Variants in ARID2 observed in about 807,000 individuals in gnomAD.
ARID2 encodes AT-rich interaction domain 2.
ARID2 carries 32 observed loss-of-function variants against 184.6 expected under a neutral mutation model. The observed-to-expected ratio is 0.17, with a 90% CI of 0.13 to 0.23. The LOEUF is 0.23. Ranked by LOEUF, ARID2 falls within the 10% of genes least tolerant of loss-of-function variation. The probability of loss-of-function intolerance (pLI) is 1.00; values close to 1 mark genes in which losing one functional copy is unlikely to be tolerated. For synonymous variants in ARID2, 836 were observed against 772.6 expected, an observed-to-expected ratio of 1.08 and a Z score of -1.36; for missense variants, 1,696 against 2,197.6, an observed-to-expected ratio of 0.77 and a Z score of 4.56.
chr12:45,788,426 C>CATATTT (rs1942235260), intron 3 of ARID2, among the ~76,000 whole-genome samples: 1 of 152,058 alleles, frequency 6.6e-6, no homozygotes, highest in Non-Finnish European at 1.5e-5. Context: ...TTTCATTATC[C>CATATTT]ATATTTACAC....
intron 3 of ARID2, among the ~76,000 whole-genome samples, chr12:45,798,996 G>C (rs757308332): frequency 6.7e-6 from 1 of 149,770 alleles, no homozygotes; most frequent in East Asian, 1.9e-4. Flanking sequence ...TATTAACCTG[G>C]GTATTAAAAT....
intron 3 of ARID2, among the ~76,000 whole-genome samples, chr12:45,772,980 A>C (rs1800490389): frequency 1.3e-5 from 2 of 152,194 alleles, no homozygotes; most frequent in Non-Finnish European, 2.9e-5. Context: ...GTGCAAACGG[A>C]ATATTCTCTA....
intron 16 of ARID2, among the ~76,000 whole-genome samples, chr12:45,884,307 A>G (rs1944149446): frequency 6.6e-6 from 1 of 152,126 alleles, no homozygotes; most frequent in Non-Finnish European, 1.5e-5. Flanking sequence ...GAGGCAGGAG[A>G]ATCACTTAAA....
intron 11 of ARID2, among the ~76,000 whole-genome samples, chr12:45,844,024 T>G (rs926280934): frequency 6.6e-6 from 1 of 152,166 alleles, no homozygotes; most frequent in African/African-American, 2.4e-5. Flanking sequence ...TCTATACTTT[T>G]TCTTTCTTTC....
chr12:45,894,818 T>C (rs1944348592), intron 20 of ARID2, among the ~76,000 whole-genome samples: 1 of 150,330 alleles, frequency 6.7e-6, no homozygotes, highest in African/African-American at 2.5e-5. Flanking sequence ...CTTTTTACTT[T>C]TCTTACTTTA....
intron 3 of ARID2, among the ~76,000 whole-genome samples, chr12:45,761,807 G>T (rs555558608): frequency 6.7e-6 from 1 of 150,264 alleles, no homozygotes; most frequent in African/African-American, 2.5e-5. Flanking sequence ...ATTCTTCTTC[G>T]TTTATTTTCT....
intron 3 of ARID2, among the ~76,000 whole-genome samples, chr12:45,759,599 A>G (rs1010844225): frequency 6.6e-6 from 1 of 152,158 alleles, no homozygotes; most frequent in Non-Finnish European, 1.5e-5. Context: ...ATATTCAGCT[A>G]TGTCCGTTCG....
chr12:45,907,129 C>T lies in ARID2; in HGVS notation c.*2051C>T. The T allele has an allele frequency of 8.6e-6, 2 of 232,732 alleles. No individual in the cohort carries two copies. Among genetic ancestry groups the T allele is most frequent in the Non-Finnish European group, 1.7e-5 (2 of 117,758 alleles). 14.4% of individuals were successfully genotyped at this position (232,732 alleles called of 1,614,324 possible). A position where few individuals can be genotyped will look rare whatever the true frequency, so the allele number is the denominator to read the frequency against. On this transcript the variant is annotated 3_prime_UTR_variant, in exon 21 of 21. Transcript: ENST00000334344. ...TGGAATTTATGCTTGGCCCACCTTC[C>T]AAGACTGGCACTGCCCAACAGACAC...
rs2138179418 is a variant in ARID2 at position 45,852,524 on chromosome 12, A to G, written c.4401A>G (p.Val1467=). ...ATGTGCCTCAGCAACGCCCAAGTGT[A>G]GTTGTCTCACCACATTCTACAACCT... ...NSDVPQQRPS[V]VVSPHSTTSV... Residue 1467 remains valine, a synonymous_variant, in exon 15 of 21, where the codon GTA becomes GTG. Coordinates refer to ENST00000334344, the MANE Select transcript of ARID2 (RefSeq NM_152641.4). 6.2e-7 allele frequency: 1 copy of G among 1,614,194 alleles called. No homozygotes were observed. The highest frequency in any genetic ancestry group is 8.5e-7 in the Non-Finnish European group (1 of 1,180,014).
In ARID2 at chr12:45,747,209, AT is replaced by A. The variant is rs575338803; in HGVS notation, c.284+15897del. 5.5e-3 allele frequency among the ~76,000 whole-genome samples: 832 copies of A among 152,316 alleles called. 7 individuals are homozygous for A. The highest frequency in any genetic ancestry group is 0.019 in the African/African-American group (794 of 41,578). On this transcript the variant is annotated intron_variant, in intron 3 of 20. Coordinates refer to ENST00000334344, the MANE Select transcript of ARID2 (RefSeq NM_152641.4). ...TGAAAATGGTTAGGGTAGTTGTGGG[AT>A]TGTGGCTTTTTATTTTTATTTAAAA...
chr12:45,734,327 C>T (rs1941066624), intron 3 of ARID2, among the ~76,000 whole-genome samples: 1 of 152,098 alleles, frequency 6.6e-6, no homozygotes, highest in Admixed American at 6.5e-5. Context: ...GGAGATCGTG[C>T]TACTGCACTC....
intron 4 of ARID2, among the ~76,000 whole-genome samples, chr12:45,813,497 T>C (rs1024012421): frequency 2.1e-4 from 32 of 150,452 alleles, no homozygotes; most frequent in African/African-American, 7.3e-4. Flanking sequence ...AATTATCTAA[T>C]ATTAGATTGA....
At chr12:45,863,823 T>G (rs1293991048) in intron 16 of ARID2, among the ~76,000 whole-genome samples, 3 of 140,430 alleles carry the variant, frequency 2.1e-5, no homozygotes, top group African/African-American at 5.2e-5. Flanking sequence ...TTCTCCTTTT[T>G]TTTTCTTTTT....
intron 2 of ARID2, among the ~76,000 whole-genome samples, chr12:45,730,926 G>C (rs1172591349): frequency 6.8e-6 from 1 of 147,484 alleles, no homozygotes; most frequent in Non-Finnish European, 1.5e-5. Context: ...AGATTTAAAA[G>C]GGGGCGACAG....
At chr12:45,828,819 T>C (rs891157199) in intron 6 of ARID2, among the ~76,000 whole-genome samples, 1 of 152,018 alleles carries the variant, frequency 6.6e-6, no homozygotes, top group African/African-American at 2.4e-5. Flanking sequence ...GAGTTTTTTT[T>C]CTATATTTTG....
chr12:45,782,736 C>G (rs1050889432), intron 3 of ARID2, among the ~76,000 whole-genome samples: 3 of 151,988 alleles, frequency 2.0e-5, no homozygotes, highest in Non-Finnish European at 4.4e-5. Flanking sequence ...TTTTTGTCAA[C>G]AGTGTCTGTA....
intron 3 of ARID2, among the ~76,000 whole-genome samples, chr12:45,784,278 C>T (rs932836047): frequency 6.6e-6 from 1 of 152,112 alleles, no homozygotes; most frequent in Admixed American, 6.5e-5. Flanking sequence ...GCTTCAGCCT[C>T]CTGAGTCTCT....
intron 15 of ARID2, among the ~76,000 whole-genome samples, chr12:45,855,059 C>CT (rs1565626266): frequency 6.6e-6 from 1 of 152,026 alleles, no homozygotes; most frequent in African/African-American, 2.4e-5. Flanking sequence ...TCTAGAGAGC[C>CT]TTTTTTTAAT....
chr12:45,884,116 A>G (rs972999358), intron 16 of ARID2, among the ~76,000 whole-genome samples: 1 of 152,138 alleles, frequency 6.6e-6, no homozygotes, highest in South Asian at 2.1e-4. Context: ...AACATTGTTG[A>G]CCAGACACGG....
Sources: allele counts gnomAD v4.1 joint callset (sites outside exome capture counted in the v4.1 genomes callset), GRCh38; gene constraint gnomAD v4.1.1; transcripts MANE v1.5; gene names NCBI Gene and HGNC (gene_info 2026-07-23, HGNC 2026-07-21).